Variants in RANBP17 observed in about 807,000 individuals in gnomAD.
RANBP17 encodes the protein RAN binding protein 17.
A neutral mutation model predicts 141.2 loss-of-function variants in RANBP17; 158 were observed. That is an observed-to-expected ratio of 1.12 (90% CI 0.98 to 1.28). The LOEUF is 1.28. Among genes scored for constraint, RANBP17 ranks in the 50% most tolerant of loss-of-function variants. The pLI is 0.00. For synonymous variants in RANBP17, 430 were observed against 450.0 expected, an observed-to-expected ratio of 0.96 and a Z score of 0.56; for missense variants, 1,438 against 1,290.7, an observed-to-expected ratio of 1.11 and a Z score of -1.75.
chr5:171,158,836 C>T (rs1042519266), intron 14 of RANBP17, among the ~76,000 whole-genome samples: 14 of 152,100 alleles, frequency 9.2e-5, no homozygotes, highest in Admixed American at 3.9e-4. Flanking sequence ...CCAGCAGGTG[C>T]GGCTGCCTAA....
intron 13 of RANBP17, among the ~76,000 whole-genome samples, chr5:170,956,885 C>T (rs1351928047): frequency 6.6e-6 from 1 of 151,782 alleles, no homozygotes; most frequent in African/African-American, 2.4e-5. Flanking sequence ...TCCTGGCTAA[C>T]ACGGTGAAAC....
At chr5:171,193,874 C>T (rs1448714851) in intron 18 of RANBP17, among the ~76,000 whole-genome samples, 2 of 152,202 alleles carry the variant, frequency 1.3e-5, no homozygotes, top group East Asian at 3.9e-4. Flanking sequence ...CCCTTTATCA[C>T]ATAACCTAAT....
chr5:171,034,516 A>G (rs1222348856), intron 14 of RANBP17, among the ~76,000 whole-genome samples: 1 of 152,232 alleles, frequency 6.6e-6, no homozygotes, highest in African/African-American at 2.4e-5. Flanking sequence ...TCTACCTGGT[A>G]TATTCTTCAA....
chr5:171,099,962 C>T lies in RANBP17; in HGVS notation c.1711-70168C>T, dbSNP rs557572594. On this transcript the variant is annotated intron_variant, in intron 14 of 27. Coordinates refer to ENST00000523189, the MANE Select transcript of RANBP17 (RefSeq NM_022897.5). ...TTCCCATGGATGAAGCTGACTTGAT[C>T]GTGGTAGATAAGCTTTTTAATGTTT... is the stretch of plus-strand genomic sequence containing the variant. Among the ~76,000 whole-genome samples, 7 of 152,250 alleles carry T rather than the reference C, an allele frequency of 4.6e-5. No homozygotes were observed. In the South Asian group the frequency reaches 8.3e-4, roughly 18 times the overall value.
At chr5:171,081,337 G>A (rs1211689699) in intron 14 of RANBP17, among the ~76,000 whole-genome samples, 2 of 152,038 alleles carry the variant, frequency 1.3e-5, no homozygotes, top group East Asian at 3.9e-4. Flanking sequence ...AAAAGAATAT[G>A]GGTTAAGAAC....
At chr5:170,903,749 G>T in intron 5 of RANBP17, 1 of 315,146 alleles carries the variant, frequency 3.2e-6, no homozygotes, top group Non-Finnish European at 6.5e-6. Flanking sequence ...CTGGAAAGTT[G>T]GGTACAACTG....
intron 3 of RANBP17, among the ~76,000 whole-genome samples, chr5:170,883,405 G>A (rs548218287): frequency 1.3e-5 from 2 of 152,150 alleles, no homozygotes; most frequent in East Asian, 1.9e-4. Context: ...CACCAAAGTC[G>A]TACATTTGTT....
intron 14 of RANBP17, among the ~76,000 whole-genome samples, chr5:170,988,019 TACTC>T (rs890391627): frequency 6.6e-6 from 1 of 151,732 alleles, no homozygotes; most frequent in Non-Finnish European, 1.5e-5. Flanking sequence ...ATTAAACACT[TACTC>T]TCTCCCTTGT....
intron 14 of RANBP17, among the ~76,000 whole-genome samples, chr5:171,042,661 A>G (rs1367499809): frequency 6.6e-6 from 1 of 152,174 alleles, no homozygotes; most frequent in Non-Finnish European, 1.5e-5. Flanking sequence ...AAAAGGTTCT[A>G]ACTAGTGTCC....
chr5:170,940,293 TA>T (rs1429670136), intron 12 of RANBP17, among the ~76,000 whole-genome samples: 2 of 152,128 alleles, frequency 1.3e-5, no homozygotes, highest in South Asian at 2.1e-4. Context: ...AAACTAGAGC[TA>T]ATAGTTTGTG....
intron 14 of RANBP17, among the ~76,000 whole-genome samples, chr5:171,009,948 A>G (rs1469148996): frequency 1.3e-5 from 2 of 152,180 alleles, no homozygotes; most frequent in Non-Finnish European, 2.9e-5. Flanking sequence ...CTTTAAATAA[A>G]TGCACAAGTT....
chr5:170,897,032 G>T (rs1770189678), intron 5 of RANBP17: 6 of 1,001,554 alleles, frequency 6.0e-6, no homozygotes, highest in Admixed American at 1.8e-5. Flanking sequence ...AGCCAGAAAG[G>T]AATCTATTAT....
intron 12 of RANBP17, among the ~76,000 whole-genome samples, chr5:170,940,112 A>C (rs1036289272): frequency 6.6e-6 from 1 of 152,240 alleles, no homozygotes; most frequent in Non-Finnish European, 1.5e-5. Flanking sequence ...ATAAATTTGA[A>C]TATTTTAAAA....
chr5:170,879,274 A>G (rs1768458004), intron 2 of RANBP17, among the ~76,000 whole-genome samples: 1 of 152,176 alleles, frequency 6.6e-6, no homozygotes, highest in Non-Finnish European at 1.5e-5. Context: ...AATTCTGTTA[A>G]ATGTTGATAT....
chr5:171,240,131 G>A lies in RANBP17; in HGVS notation c.2423-797G>A, dbSNP rs1254282324. The stretch of plus-strand genomic sequence containing the variant: ...ACTCATTTGACCAGGAAAAAGCAGA[G>A]GTAAGAAACATATATTACTTTATAT... On this transcript the variant is annotated intron_variant, in intron 22 of 27. Coordinates refer to ENST00000523189, the MANE Select transcript of RANBP17 (RefSeq NM_022897.5). Among the ~76,000 whole-genome samples, 2 of 149,436 alleles carry A rather than the reference G, an allele frequency of 1.3e-5. 1 individual carries two copies. Among genetic ancestry groups the A allele is most frequent in the Non-Finnish European group, 2.9e-5 (2 of 67,994 alleles).
chr5:171,173,146 A>C (rs1461524485), intron 16 of RANBP17, among the ~76,000 whole-genome samples: 1 of 152,020 alleles, frequency 6.6e-6, no homozygotes, highest in African/African-American at 2.4e-5. Context: ...ATCAGTCATG[A>C]AATATCTTTG....
intron 14 of RANBP17, among the ~76,000 whole-genome samples, chr5:171,123,159 G>T (rs183103180): frequency 7.2e-4 from 110 of 152,244 alleles, no homozygotes; most frequent in African/African-American, 2.6e-3. Context: ...ATACCTGCAT[G>T]TGCCTTCAGA....
intron 13 of RANBP17, 97 bp downstream of exon 13, chr5:170,953,799 C>T: frequency 2.7e-6 from 2 of 753,486 alleles, no homozygotes; most frequent in Admixed American, 2.6e-5. Flanking sequence ...TTGTATGTGG[C>T]CTTTTGAGGA....
intron 14 of RANBP17, among the ~76,000 whole-genome samples, chr5:171,038,726 A>T (rs1317996957): frequency 6.6e-6 from 1 of 152,038 alleles, no homozygotes; most frequent in African/African-American, 2.4e-5. Flanking sequence ...TTTTTTCCAC[A>T]TCTATTGAGA....
Sources: gnomAD v4.1 joint callset for allele counts (sites outside exome capture counted in the v4.1 genomes callset) on GRCh38, gnomAD v4.1.1 for gene constraint, MANE v1.5 for transcripts, NCBI Gene and HGNC (gene_info 2026-07-23, HGNC 2026-07-21) for gene names.